Variants in KIAA1549L observed in about 807,000 individuals in gnomAD.
The protein encoded by KIAA1549L is UPF0606 protein KIAA1549L.
A neutral mutation model predicts 160.7 loss-of-function variants in KIAA1549L; 88 were observed. The observed-to-expected ratio is 0.55, with a 90% CI of 0.46 to 0.65. The LOEUF (loss-of-function observed/expected upper bound fraction) is 0.65. Ranked by LOEUF, KIAA1549L falls within the 30% of genes least tolerant of loss-of-function variation. The probability of loss-of-function intolerance (pLI) is 0.00; values close to 1 mark genes in which losing one functional copy is unlikely to be tolerated. For synonymous variants in KIAA1549L, 950 were observed against 976.7 expected (o/e 0.97, Z 0.51); for missense variants, 2,258 against 2,437.5 (o/e 0.93, Z 1.55).
Position 33,491,020 on chromosome 11 carries a change from C to T in KIAA1549L, c.239-50782C>T, listed in dbSNP as rs151120315. 2.9e-4 allele frequency among the ~76,000 whole-genome samples: 44 copies of T among 152,320 alleles called. 1 individual carries two copies. The East Asian group carries it at 8.5e-3, about 29-fold the overall frequency. On this transcript the variant is annotated intron_variant, in intron 1 of 20. Coordinates refer to ENST00000658780, the MANE Select transcript of KIAA1549L (RefSeq NM_012194.3). ...CACTTTGTTCCTATCTGTCATTCCT[C>T]TTACGTTGCACTGTAACTAATGGTA...
intron 1 of KIAA1549L, among the ~76,000 whole-genome samples, chr11:33,525,714 G>A (rs146426402): frequency 9.2e-5 from 14 of 152,200 alleles, no homozygotes; most frequent in African/African-American, 2.4e-4. Context: ...GAGGCTTGTT[G>A]TCTGGGGCAA....
intron 1 of KIAA1549L, among the ~76,000 whole-genome samples, chr11:33,415,417 G>C (rs1166848349): frequency 6.6e-6 from 1 of 152,112 alleles, no homozygotes; most frequent in Non-Finnish European, 1.5e-5. Flanking sequence ...ATGTGTCGCT[G>C]TACTGTCCCT....
At chr11:33,515,041 C>A (rs1228516687) in intron 1 of KIAA1549L, among the ~76,000 whole-genome samples, 1 of 152,172 alleles carries the variant, frequency 6.6e-6, no homozygotes, top group East Asian at 1.9e-4. Context: ...CCCCCTCCCC[C>A]ACAGCAATGT....
At chr11:33,652,137 C>G (rs950414515) in intron 17 of KIAA1549L, among the ~76,000 whole-genome samples, 10 of 151,522 alleles carry the variant, frequency 6.6e-5, no homozygotes, top group Admixed American at 1.3e-4. Context: ...CAGCCAGCAT[C>G]GTGGCACTGG....
At chr11:33,632,449 C>T (rs1851323184) in intron 16 of KIAA1549L, among the ~76,000 whole-genome samples, 1 of 152,150 alleles carries the variant, frequency 6.6e-6, no homozygotes. Flanking sequence ...TTGGTCAGGC[C>T]CCATCGATGG....
chr11:33,427,806 G>A (rs1851150169), intron 1 of KIAA1549L, among the ~76,000 whole-genome samples: 3 of 152,190 alleles, frequency 2.0e-5, no homozygotes, highest in South Asian at 4.1e-4. Flanking sequence ...TGCAGTGTTT[G>A]GCAACCACAA....
In KIAA1549L at chr11:33,542,478, T is replaced by C; in HGVS notation, c.915T>C (p.Asn305=). The change falls in exon 2 of 21, where the codon AAT becomes AAC. Residue 305 remains asparagine (N), a synonymous_variant. Transcript: ENST00000658780. ...AAATGGACCACACTGCATCCCAAAA[T>C]GCCCAGGATCTCATAGGCATCCCTC... ...SDEMDHTASQ[N]AQDLIGIPHL... The C allele has an allele frequency of 6.2e-7, 1 of 1,613,198 alleles. No individual in the cohort carries two copies. The highest frequency in any genetic ancestry group is 8.5e-7 in the Non-Finnish European group (1 of 1,179,472).
intron 1 of KIAA1549L, among the ~76,000 whole-genome samples, chr11:33,383,138 G>T (rs1850105977): frequency 6.6e-6 from 1 of 152,016 alleles, no homozygotes; most frequent in African/African-American, 2.4e-5. Context: ...ATGACGACCA[G>T]AGAATCTCTC....
intron 20 of KIAA1549L, among the ~76,000 whole-genome samples, chr11:33,663,660 C>G (rs536177225): frequency 1.5e-4 from 23 of 152,172 alleles, no homozygotes; most frequent in Non-Finnish European, 2.8e-4. Context: ...GTGGTAGCTT[C>G]CTTCTCAAAA....
intron 1 of KIAA1549L, among the ~76,000 whole-genome samples, chr11:33,435,192 T>C (rs1851328491): frequency 6.6e-6 from 1 of 152,226 alleles, no homozygotes; most frequent in Non-Finnish European, 1.5e-5. Context: ...CTATTAGATT[T>C]TCCAAGGGTG....
At chr11:33,424,471 A>G (rs1851079379) in intron 1 of KIAA1549L, among the ~76,000 whole-genome samples, 2 of 152,106 alleles carry the variant, frequency 1.3e-5, no homozygotes, top group South Asian at 2.1e-4. Flanking sequence ...CTTAAAAAAA[A>G]TCTTTAGAGG....
intron 15 of KIAA1549L, among the ~76,000 whole-genome samples, chr11:33,614,798 A>T (rs1850766882): frequency 6.7e-6 from 1 of 150,080 alleles, no homozygotes; most frequent in African/African-American, 2.4e-5. Flanking sequence ...TTTTTAATAG[A>T]GACGGGGTTT....
At chr11:33,442,866 T>G (rs1429760043) in intron 1 of KIAA1549L, among the ~76,000 whole-genome samples, 1 of 152,212 alleles carries the variant, frequency 6.6e-6, no homozygotes, top group Non-Finnish European at 1.5e-5. Context: ...TTTTAACTTT[T>G]GTCTCTCTGT....
intron 1 of KIAA1549L, among the ~76,000 whole-genome samples, chr11:33,530,126 G>A (rs1000380567): frequency 2.0e-5 from 3 of 151,770 alleles, no homozygotes; most frequent in African/African-American, 7.3e-5. Flanking sequence ...CGGGCGCGGT[G>A]GCTCACGCCT....
chr11:33,647,872 CAAG>C (rs1851769849), intron 17 of KIAA1549L, among the ~76,000 whole-genome samples: 1 of 151,990 alleles, frequency 6.6e-6, no homozygotes, highest in Admixed American at 6.6e-5. Flanking sequence ...GTGTTTGTGG[CAAG>C]AAGGACAAAA....
intron 1 of KIAA1549L, among the ~76,000 whole-genome samples, chr11:33,496,469 C>T (rs1330503489): frequency 1.3e-5 from 2 of 152,240 alleles, no homozygotes; most frequent in African/African-American, 4.8e-5. Context: ...CACATCTTGG[C>T]TGAAATGCCC....
intron 15 of KIAA1549L, among the ~76,000 whole-genome samples, chr11:33,616,516 CA>C (rs1850813704): frequency 6.6e-6 from 1 of 152,102 alleles, no homozygotes; most frequent in South Asian, 2.1e-4. Context: ...ATGCTCTTAC[CA>C]AAGGAAGGTT....
At chr11:33,401,030 A>G (rs572141609) in intron 1 of KIAA1549L, among the ~76,000 whole-genome samples, 2 of 152,122 alleles carry the variant, frequency 1.3e-5, no homozygotes, top group South Asian at 4.2e-4. Flanking sequence ...CCTCTGCCCC[A>G]TGAGCTGCGT....
chr11:33,584,527 G>C (rs556895622), intron 11 of KIAA1549L, among the ~76,000 whole-genome samples: 9 of 152,190 alleles, frequency 5.9e-5, no homozygotes, highest in Non-Finnish European at 1.0e-4. Context: ...TGGTCACCTT[G>C]CTCCCTTCAT....
Sources: gnomAD v4.1 joint callset for allele counts (sites outside exome capture counted in the v4.1 genomes callset) on GRCh38, gnomAD v4.1.1 for gene constraint, MANE v1.5 for transcripts, NCBI Gene and HGNC (gene_info 2026-07-23, HGNC 2026-07-21) for gene names.